The following ACOX2 variants were observed in gnomAD, a reference collection of about 807,000 sequenced individuals.
ACOX2 encodes the protein acyl-CoA oxidase 2, also known as peroxisomal acyl-coenzyme A oxidase 2.
In ACOX2, 59 loss-of-function variants were observed where a neutral mutation model predicts 77.5. The ratio of observed to expected loss-of-function variants is 0.76; its 90% CI spans 0.62 to 0.95. The LOEUF (loss-of-function observed/expected upper bound fraction) is 0.95, where lower values mean the gene tolerates loss of function less well. Among genes scored for constraint, ACOX2 ranks in the 40% least tolerant of loss-of-function variants. The pLI is 0.00. For missense variants in ACOX2, 837 were observed against 880.4 expected (o/e 0.95, Z 0.62); for synonymous variants, 317 against 340.1 (o/e 0.93, Z 0.75).
At position 58,533,229 on chromosome 3, in the gene ACOX2, A is replaced by T. The variant is rs905226264; in HGVS notation, c.583+216T>A. Among the ~76,000 whole-genome samples, 20 of 151,926 alleles carry T rather than the reference A, an allele frequency of 1.3e-4. No individual in the cohort carries two copies. Among genetic ancestry groups the T allele is most frequent in the African/African-American group, 4.8e-4 (20 of 41,348 alleles). ...CCTCTACTTCAAAGTTCCTTTGGGG[A>T]CTTTCCAGCCACTCACTAATGAAAT... On this transcript the variant is annotated intron_variant, in intron 5 of 14. Transcript: ENST00000302819. The surrounding 1 kb of genome is among the most constrained non-coding windows in gnomAD (Gnocchi z 5.6).
rs2063393910 is a variant in ACOX2 at position 58,526,339 on chromosome 3, A to G, written c.1346+127T>C. Reference sequence around the variant, plus strand: ...TAGGTTAGTCATACTGGGGAATTGGACAGCTCCCAAATAGCACTTCGCAAA... The same window carrying G: ...TAGGTTAGTCATACTGGGGAATTGGGCAGCTCCCAAATAGCACTTCGCAAA... On this transcript the variant is annotated intron_variant, in intron 10 of 14. Transcript: ENST00000302819. This position sits in a 1 kb window ranked among gnomAD's most constrained non-coding sequence, Gnocchi z 4.3. 4 of 1,110,924 alleles carry G rather than the reference A, an allele frequency of 3.6e-6. No individual in the cohort carries two copies. The highest frequency in any genetic ancestry group is 5.1e-6 in the Non-Finnish European group (4 of 790,768). 68.8% of individuals were successfully genotyped at this position (1,110,924 alleles called of 1,614,324 possible).
intron 8 of ACOX2, 80 bp downstream of exon 8, chr3:58,530,386 A>T: frequency 6.5e-7 from 1 of 1,549,954 alleles, no homozygotes; most frequent in East Asian, 2.3e-5. Flanking sequence ...TGGCTCTGGC[A>T]GAAGGGTGGT....
In ACOX2 at chr3:58,524,739, T is replaced by G; in HGVS notation, c.1347-134A>C. 1 of 1,000,484 alleles carries G rather than the reference T, an allele frequency of 1.0e-6. No individual in the cohort carries two copies. The highest frequency in any genetic ancestry group is 1.4e-6 in the Non-Finnish European group (1 of 692,926). 62.0% of individuals were successfully genotyped at this position (1,000,484 alleles called of 1,614,324 possible). A position where few individuals can be genotyped will look rare whatever the true frequency, so the allele number is the denominator to read the frequency against. Reference sequence around the variant, plus strand: ...TGGGAGAGCCAGGTCACCAGGCCTCTGCCTGGCCTCCCTCCTGAGGGTTCC... The same window carrying G: ...TGGGAGAGCCAGGTCACCAGGCCTCGGCCTGGCCTCCCTCCTGAGGGTTCC... On this transcript the variant is annotated intron_variant, in intron 10 of 14. Coordinates refer to ENST00000302819, the MANE Select transcript of ACOX2 (RefSeq NM_003500.4). The surrounding 1 kb of genome is among the most constrained non-coding windows in gnomAD (Gnocchi z 5.5).
At position 58,515,485 on chromosome 3, in the gene ACOX2, C is replaced by G. The variant is rs2063316417; in HGVS notation, c.1850+1721G>C. 6.6e-6 allele frequency among the ~76,000 whole-genome samples: 1 copy of G among 152,092 alleles called. No homozygotes were observed. The highest frequency in any genetic ancestry group is 6.6e-5 in the Admixed American group (1 of 15,258). Reference sequence around the variant, plus strand: ...TAAAAAATTACAAATCTTTTAGAGACAGGGTCTCACTATGTTGCCCAAGCT... The same window carrying G: ...TAAAAAATTACAAATCTTTTAGAGAGAGGGTCTCACTATGTTGCCCAAGCT... On this transcript the variant is annotated intron_variant, in intron 13 of 14. Transcript: ENST00000302819. The surrounding 1 kb of genome is among the most constrained non-coding windows in gnomAD (Gnocchi z 4.0).
chr3:58,513,289 T>A (rs2063300406), intron 13 of ACOX2, among the ~76,000 whole-genome samples: 2 of 152,238 alleles, frequency 1.3e-5, no homozygotes, highest in South Asian at 4.1e-4. Flanking sequence ...CATCTGAAAC[T>A]CGTATCCTTC....
chr3:58,513,643 T>C (rs1320756632), intron 13 of ACOX2, among the ~76,000 whole-genome samples: 1 of 152,192 alleles, frequency 6.6e-6, no homozygotes, highest in Non-Finnish European at 1.5e-5. Flanking sequence ...GTTTTTTTTT[T>C]TTAAGTTTTC....
rs1199446952 is a variant in ACOX2 at position 58,534,800 on chromosome 3, CT to C, written c.160+146del. 9.2e-6 allele frequency: 13 copies of C among 1,419,866 alleles called. No homozygotes were observed. The African/African-American group carries it at 1.8e-4, about 20-fold the overall frequency. 88.0% of individuals were successfully genotyped at this position (1,419,866 alleles called of 1,614,324 possible). A position where few individuals can be genotyped will look rare whatever the true frequency, so the allele number is the denominator to read the frequency against. The stretch of plus-strand genomic sequence containing the variant: ...GGCAATATTGACATGTGAAGATTGT[CT>C]TTACAGTTCGAAGGAATGAATCTCT... On this transcript the variant is annotated intron_variant, in intron 2 of 14. Transcript: ENST00000302819. This position sits in a 1 kb window ranked among gnomAD's most constrained non-coding sequence, Gnocchi z 4.8.
intron 14 of ACOX2, among the ~76,000 whole-genome samples, chr3:58,507,236 CG>C (rs1402301936): frequency 6.6e-6 from 1 of 152,132 alleles, no homozygotes; most frequent in Non-Finnish European, 1.5e-5. Context: ...ATTCCATAGA[CG>C]TGGAGTGTCT....
rs980517107 is a variant in ACOX2, at chr3:58,525,462, G to A, written c.1347-857C>T. On this transcript the variant is annotated intron_variant, in intron 10 of 14. Coordinates refer to ENST00000302819, the MANE Select transcript of ACOX2 (RefSeq NM_003500.4). The surrounding 1 kb of genome is among the most constrained non-coding windows in gnomAD (Gnocchi z 5.0). ...AGAGGGATGAAAAGAAATCGCCTGT[G>A]TGGAGGAAGCTGACTTGGCCATTGC... Among the ~76,000 whole-genome samples, 5 of 152,230 alleles carry A rather than the reference G, an allele frequency of 3.3e-5. No homozygotes were observed. Among genetic ancestry groups the A allele is most frequent in the Non-Finnish European group, 7.3e-5 (5 of 68,044 alleles).
In ACOX2 at chr3:58,533,112, G is replaced by A. The variant is rs149200202; in HGVS notation, c.583+333C>T. ...ACTAACTCGGGAGATGAGAGGAACC[G>A]GGGTTGTGAGGAGTGCCTAGGACTA... On this transcript the variant is annotated intron_variant, in intron 5 of 14. Coordinates refer to ENST00000302819, the MANE Select transcript of ACOX2 (RefSeq NM_003500.4). The surrounding 1 kb of genome is among the most constrained non-coding windows in gnomAD (Gnocchi z 5.6). Among the ~76,000 whole-genome samples the A allele has an allele frequency of 0.014, 2,107 of 152,254 alleles. 23 individuals carry two copies. Among genetic ancestry groups the A allele is most frequent in the Admixed American group, 0.034 (516 of 15,300 alleles).
chr3:58,531,729 G>A lies in ACOX2; in HGVS notation c.667C>T (p.Pro223Ser), dbSNP rs2063441383. Residue 223 changes from proline to serine, a missense_variant, in exon 6 of 15, where the codon CCA (proline) becomes TCA (serine). Coordinates refer to ENST00000302819, the MANE Select transcript of ACOX2 (RefSeq NM_003500.4). This position sits in a 1 kb window ranked among gnomAD's most constrained non-coding sequence, Gnocchi z 5.8. ...GTGTGGTCCTGAAGACTCCGGATTG[G>A]CACAATAAAAGCGTGCATGCCCCGC... Reference protein sequence around the residue: ...ARRGMHAFIVPIRSLQDHTPL... With the variant: ...ARRGMHAFIVSIRSLQDHTPL... 1.2e-6 allele frequency: 2 copies of A among 1,614,202 alleles called. No individual in the cohort carries two copies. Among genetic ancestry groups the A allele is most frequent in the Non-Finnish European group, 1.7e-6 (2 of 1,180,022 alleles).
In ACOX2 at chr3:58,535,423, T is replaced by C. The variant is rs57315848; in HGVS notation, c.-91-226A>G. Among the ~76,000 whole-genome samples, 6,476 of 152,206 alleles carry C rather than the reference T, an allele frequency of 0.043. 478 individuals are homozygous for C. Among genetic ancestry groups the C allele is most frequent in the African/African-American group, 0.15 (6,159 of 41,506 alleles). ...ATTGGACAGGGCCTGACCCCAAAGATTGGGCTCTATCCACTGCAGTTTGAG... is the reference window on the plus strand; with the variant it reads ...ATTGGACAGGGCCTGACCCCAAAGACTGGGCTCTATCCACTGCAGTTTGAG... On this transcript the variant is annotated intron_variant, in intron 1 of 14. Coordinates refer to ENST00000302819, the MANE Select transcript of ACOX2 (RefSeq NM_003500.4). This position sits in a 1 kb window ranked among gnomAD's most constrained non-coding sequence, Gnocchi z 4.8.
chr3:58,533,928 G>A lies in ACOX2; in HGVS notation c.475+66C>T. On this transcript the variant is annotated intron_variant, in intron 4 of 14. Coordinates refer to ENST00000302819, the MANE Select transcript of ACOX2 (RefSeq NM_003500.4). This position sits in a 1 kb window ranked among gnomAD's most constrained non-coding sequence, Gnocchi z 5.6. ...CATATGAACCTATGACTACCTAGAT[G>A]TAAATGGGCCCTCTGGAGTTTTGCA... The A allele has an allele frequency of 3.2e-6, 5 of 1,580,186 alleles. No individual in the cohort carries two copies. Among genetic ancestry groups the A allele is most frequent in the Non-Finnish European group, 3.5e-6 (4 of 1,155,986 alleles).
chr3:58,531,752 C>T lies in ACOX2; in HGVS notation c.644G>A (p.Arg215Gln), dbSNP rs1435979904. ...QAQLICSGARRGMHAFIVPIR... is the reference protein window; with the variant it reads ...QAQLICSGARQGMHAFIVPIR... ...TGGCACAATAAAAGCGTGCATGCCC[C>T]GCCTGGCTCCTGAGCAGATCAGCTG... The change falls in exon 6 of 15, where the codon CGG becomes CAG. Residue 215 changes from arginine (R) to glutamine (Q), a missense_variant. By Grantham distance (43) the Arg-to-Gln change is conservative. Coordinates refer to ENST00000302819, the MANE Select transcript of ACOX2 (RefSeq NM_003500.4). The surrounding 1 kb of genome is among the most constrained non-coding windows in gnomAD (Gnocchi z 5.8). 6.8e-6 allele frequency: 11 copies of T among 1,614,198 alleles called. No individual in the cohort carries two copies. The Middle Eastern group carries it at 6.6e-4, about 97-fold the overall frequency.
At position 58,519,030 on chromosome 3, in the gene ACOX2, A is replaced by T. The variant is rs968323690; in HGVS notation, c.1633-1607T>A. 1.3e-5 allele frequency among the ~76,000 whole-genome samples: 2 copies of T among 152,256 alleles called. No homozygotes were observed. Among genetic ancestry groups the T allele is most frequent in the African/African-American group, 4.8e-5 (2 of 41,540 alleles). On this transcript the variant is annotated intron_variant, in intron 12 of 14. Coordinates refer to ENST00000302819, the MANE Select transcript of ACOX2 (RefSeq NM_003500.4). The surrounding 1 kb of genome is among the most constrained non-coding windows in gnomAD (Gnocchi z 5.0). ...GCAGGGCCTGAGACTGTGCATTTCT[A>T]ACAAGGTCCCCTGTGATGCCCATGC...
rs2063346492 is a variant in ACOX2 at position 58,519,839 on chromosome 3, G to GT, written c.1633-2417dup. Among the ~76,000 whole-genome samples, 8 of 152,378 alleles carry GT rather than the reference G, an allele frequency of 5.3e-5. No individual in the cohort carries two copies. The South Asian group carries it at 1.7e-3, about 32-fold the overall frequency. On this transcript the variant is annotated intron_variant, in intron 12 of 14. Coordinates refer to ENST00000302819, the MANE Select transcript of ACOX2 (RefSeq NM_003500.4). This position sits in a 1 kb window ranked among gnomAD's most constrained non-coding sequence, Gnocchi z 5.0. ...TGCTGTGTTGCCTCTGCTGGCTCCA[G>GT]TAGCCTTTGTTGCTCAGACTGGGTC...
At chr3:58,520,904 T>C (rs2063353570) in intron 12 of ACOX2, among the ~76,000 whole-genome samples, 1 of 152,172 alleles carries the variant, frequency 6.6e-6, no homozygotes, top group African/African-American at 2.4e-5. Flanking sequence ...CTCAGCTATT[T>C]CCTACCTCTG....
At position 58,526,748 on chromosome 3, in the gene ACOX2, C is replaced by T; in HGVS notation, c.1156-92G>A. On this transcript the variant is annotated intron_variant, in intron 9 of 14. Transcript: ENST00000302819. This position sits in a 1 kb window ranked among gnomAD's most constrained non-coding sequence, Gnocchi z 4.3. The stretch of plus-strand genomic sequence containing the variant: ...ACCACTTACTGAGCATCTACTCATG[C>T]CCAGCTCAGCTCTGAGGTAAGAAGT... 2.2e-6 allele frequency: 3 copies of T among 1,351,608 alleles called. No homozygotes were observed. The highest frequency in any genetic ancestry group is 3.1e-6 in the Non-Finnish European group (3 of 979,876). The allele number at this position is 1,351,608 out of a possible 1,614,324, so 83.7% of individuals were successfully genotyped here.
At chr3:58,508,521 AAAT>A (rs2063250767) in intron 14 of ACOX2, among the ~76,000 whole-genome samples, 1 of 152,198 alleles carries the variant, frequency 6.6e-6, no homozygotes, top group Non-Finnish European at 1.5e-5. Context: ...AAAAGGCTGA[AAAT>A]AAGGTGGTTC....
Sources: allele counts gnomAD v4.1 joint callset (sites outside exome capture counted in the v4.1 genomes callset), GRCh38; gene constraint gnomAD v4.1.1; non-coding constraint Gnocchi (gnomAD v3.1); transcripts MANE v1.5; gene names NCBI Gene and HGNC (gene_info 2026-07-23, HGNC 2026-07-21).